Variants in MGMT observed in about 807,000 individuals in gnomAD.
The protein encoded by MGMT is O-6-methylguanine-DNA methyltransferase.
A neutral mutation model predicts 15.9 loss-of-function variants in MGMT; 14 were observed. That is an observed-to-expected ratio of 0.88 (90% CI 0.58 to 1.37). The LOEUF is 1.37. MGMT is among the 40% of genes most tolerant of loss of function. The pLI is 0.00. For synonymous variants in MGMT, 130 were observed against 118.2 expected (o/e 1.10, Z -0.65); for missense variants, 282 against 268.1 (o/e 1.05, Z -0.36).
At chr10:129,513,390 AT>A (rs1234256997) in intron 1 of MGMT, among the ~76,000 whole-genome samples, 1 of 152,216 alleles carries the variant, frequency 6.6e-6, no homozygotes, top group African/African-American at 2.4e-5. Flanking sequence ...TAAATATTGC[AT>A]TTTGCCACAA....
intron 2 of MGMT, among the ~76,000 whole-genome samples, chr10:129,564,396 C>T (rs1335523644): frequency 1.7e-5 from 1 of 57,408 alleles, no homozygotes; most frequent in African/African-American, 7.5e-5. Flanking sequence ...TCCCCCTCCT[C>T]CTCCTTCTCT....
chr10:129,679,940 G>A (rs531943265), intron 2 of MGMT, among the ~76,000 whole-genome samples: 2 of 152,294 alleles, frequency 1.3e-5, no homozygotes, highest in South Asian at 2.1e-4. Flanking sequence ...TACTGTGACT[G>A]AACAGATCAT....
intron 1 of MGMT, among the ~76,000 whole-genome samples, chr10:129,467,645 C>G (rs1160242959): frequency 6.6e-6 from 1 of 152,226 alleles, no homozygotes; most frequent in Non-Finnish European, 1.5e-5. Context: ...GCCAGCTGCT[C>G]CAGGAAGCTT....
At chr10:129,689,719 G>A (rs1847948804) in intron 2 of MGMT, among the ~76,000 whole-genome samples, 1 of 152,124 alleles carries the variant, frequency 6.6e-6, no homozygotes, top group Non-Finnish European at 1.5e-5. Flanking sequence ...AAGATTCTTG[G>A]CTTAACTCTT....
At chr10:129,486,516 G>C (rs956382052) in intron 1 of MGMT, among the ~76,000 whole-genome samples, 1 of 151,970 alleles carries the variant, frequency 6.6e-6, no homozygotes, top group Non-Finnish European at 1.5e-5. Context: ...TATGCTTTTT[G>C]GTCGTTCAGC....
At chr10:129,572,537 G>C (rs1324633372) in intron 2 of MGMT, among the ~76,000 whole-genome samples, 1 of 152,156 alleles carries the variant, frequency 6.6e-6, no homozygotes, top group African/African-American at 2.4e-5. Flanking sequence ...CGCTCTCGGA[G>C]CTTGATATCT....
intron 2 of MGMT, among the ~76,000 whole-genome samples, chr10:129,639,472 G>A (rs75083961): frequency 0.026 from 3,919 of 152,242 alleles, 80 homozygotes; most frequent in South Asian, 0.061. Flanking sequence ...AATCAGTAAG[G>A]ATATAGACAA....
chr10:129,589,265 G>C (rs1048285996), intron 2 of MGMT, among the ~76,000 whole-genome samples: 7 of 152,170 alleles, frequency 4.6e-5, no homozygotes, highest in Non-Finnish European at 8.8e-5. Flanking sequence ...GCAGTGGGAC[G>C]TCAGAGCAGC....
chr10:129,517,206 C>T (rs1014311621), intron 1 of MGMT, among the ~76,000 whole-genome samples: 8 of 152,184 alleles, frequency 5.3e-5, no homozygotes, highest in African/African-American at 1.2e-4. Context: ...TCCTGGACAG[C>T]GAGGGGCAGT....
rs10644344 is a variant in MGMT, at chr10:129,659,358, G to GAA, written c.126-48537_126-48536insAA. 7.8e-4 allele frequency among the ~76,000 whole-genome samples: 115 copies of GAA among 147,118 alleles called. 3 individuals are homozygous for GAA. The highest frequency in any genetic ancestry group is 2.0e-3 in the African/African-American group (75 of 37,886). On this transcript the variant is annotated intron_variant, in intron 2 of 4. Transcript: ENST00000651593. The surrounding 1 kb of genome is among the most constrained non-coding windows in gnomAD (Gnocchi z 4.1). ...GGTGGCAGAGCGAGACTCCCTGTGTGGAAAAAAAAAAAAAAGATACTCAGA... is the reference window on the plus strand; with the variant it reads ...GGTGGCAGAGCGAGACTCCCTGTGTGAAGAAAAAAAAAAAAAAGATACTCAGA...
chr10:129,478,838 G>A (rs1372568733), intron 1 of MGMT, among the ~76,000 whole-genome samples: 1 of 152,128 alleles, frequency 6.6e-6, no homozygotes, highest in African/African-American at 2.4e-5. Context: ...TATTTGAAGT[G>A]TGGATTTCAG....
chr10:129,576,405 C>T (rs1305422873), intron 2 of MGMT, among the ~76,000 whole-genome samples: 2 of 152,154 alleles, frequency 1.3e-5, no homozygotes, highest in African/African-American at 4.8e-5. Flanking sequence ...AAATGTAATC[C>T]AGCATGTAAA....
chr10:129,762,709 A>G (rs1239164666), intron 4 of MGMT, among the ~76,000 whole-genome samples: 1 of 152,206 alleles, frequency 6.6e-6, no homozygotes, highest in African/African-American at 2.4e-5. Context: ...GAACAAATGC[A>G]TTCCTGAGGA....
At chr10:129,760,561 C>T (rs556257670) in intron 4 of MGMT, among the ~76,000 whole-genome samples, 65 of 152,258 alleles carry the variant, frequency 4.3e-4, no homozygotes, top group African/African-American at 1.5e-3. Flanking sequence ...GGGGAGAGGC[C>T]GGCGTGTTCA....
At chr10:129,633,636 A>G (rs933174273) in intron 2 of MGMT, among the ~76,000 whole-genome samples, 4 of 152,236 alleles carry the variant, frequency 2.6e-5, no homozygotes, top group Admixed American at 6.5e-5. Flanking sequence ...AAGAAATAAC[A>G]ATTACCTCCC....
chr10:129,526,131 G>A (rs1331750383), intron 1 of MGMT, among the ~76,000 whole-genome samples: 11 of 152,246 alleles, frequency 7.2e-5, no homozygotes, highest in East Asian at 5.8e-4. Flanking sequence ...GGTCTCAGCC[G>A]TGGCCCTTTA....
At chr10:129,550,602 A>G (rs1846146235) in intron 2 of MGMT, among the ~76,000 whole-genome samples, 1 of 152,012 alleles carries the variant, frequency 6.6e-6, no homozygotes, top group Admixed American at 6.5e-5. Context: ...GCACGCCACC[A>G]CGCCCAGCTA....
At chr10:129,734,065 A>G (rs1427431801) in intron 3 of MGMT, among the ~76,000 whole-genome samples, 1 of 151,514 alleles carries the variant, frequency 6.6e-6, no homozygotes, top group African/African-American at 2.4e-5. Context: ...TTCCATACGA[A>G]CTTTAAAGTA....
At chr10:129,642,810 T>C (rs1847342415) in intron 2 of MGMT, among the ~76,000 whole-genome samples, 1 of 152,062 alleles carries the variant, frequency 6.6e-6, no homozygotes, top group Non-Finnish European at 1.5e-5. Context: ...CTCACGTCTG[T>C]AGTCACAGCT....
Sources: allele counts gnomAD v4.1 joint callset (sites outside exome capture counted in the v4.1 genomes callset), GRCh38; gene constraint gnomAD v4.1.1; non-coding constraint Gnocchi (gnomAD v3.1); transcripts MANE v1.5; gene names NCBI Gene and HGNC (gene_info 2026-07-23, HGNC 2026-07-21).